The following FHAD1 variants were observed in gnomAD, a reference collection of about 807,000 sequenced individuals.
The protein encoded by FHAD1 is forkhead associated phosphopeptide binding domain 1, also known as forkhead-associated domain-containing protein 1.
FHAD1 carries 146 observed loss-of-function variants against 191.3 expected under a neutral mutation model. That is an observed-to-expected ratio of 0.76 (90% CI 0.67 to 0.88). The LOEUF is 0.88. FHAD1 is among the 40% of genes least tolerant of loss of function. The probability of loss-of-function intolerance (pLI) is 0.00; values close to 1 mark genes in which losing one functional copy is unlikely to be tolerated. For synonymous variants in FHAD1, 616 were observed against 672.3 expected (o/e 0.92, Z 1.29); for missense variants, 1,635 against 1,785.8 (o/e 0.92, Z 1.52).
At chr1:15,251,133 G>T (rs1646719400) in intron 1 of FHAD1, among the ~76,000 whole-genome samples, 1 of 151,394 alleles carries the variant, frequency 6.6e-6, no homozygotes, top group African/African-American at 2.4e-5. Flanking sequence ...TCTTTAGCCA[G>T]GTGTGGTGGT....
intron 33 of FHAD1, among the ~76,000 whole-genome samples, chr1:15,392,342 C>T (rs948145249): frequency 7.9e-5 from 12 of 152,136 alleles, no homozygotes; most frequent in Admixed American, 2.0e-4. Context: ...ACCATCCTGG[C>T]TAACACGGTG....
At chr1:15,275,474 CT>C (rs926571624) in intron 3 of FHAD1, among the ~76,000 whole-genome samples, 3 of 152,148 alleles carry the variant, frequency 2.0e-5, no homozygotes, top group Non-Finnish European at 2.9e-5. Flanking sequence ...AGAAGACCCC[CT>C]GTCCGCCTCC....
intron 10 of FHAD1, among the ~76,000 whole-genome samples, chr1:15,319,996 A>C (rs867627197): frequency 6.6e-6 from 1 of 152,156 alleles, no homozygotes; most frequent in Non-Finnish European, 1.5e-5. Flanking sequence ...TGGGCTATCA[A>C]TTTTTCTCTA....
At chr1:15,283,703 G>A (rs1004103637) in intron 3 of FHAD1, among the ~76,000 whole-genome samples, 3 of 152,200 alleles carry the variant, frequency 2.0e-5, no homozygotes, top group African/African-American at 4.8e-5. Flanking sequence ...GGAGACTGCA[G>A]TTCTCTGAGT....
upstream of FHAD1, among the ~76,000 whole-genome samples, chr1:15,246,717 T>C (rs1431621003): frequency 6.6e-6 from 1 of 152,160 alleles, no homozygotes; most frequent in Admixed American, 6.5e-5. Context: ...AGTTTGGAAA[T>C]ATTTTTTCCC....
intron 28 of FHAD1, among the ~76,000 whole-genome samples, chr1:15,376,728 A>T (rs139789849): frequency 6.6e-6 from 1 of 152,180 alleles, no homozygotes; most frequent in South Asian, 2.1e-4. Flanking sequence ...TAAATGATAG[A>T]TGTTATTATT....
rs1689928229 is a variant in FHAD1, at chr1:15,349,092, G to A, written c.2397G>A (p.Leu799=). The A allele has an allele frequency of 1.9e-6, 3 of 1,551,546 alleles. No homozygotes were observed. The highest frequency in any genetic ancestry group is 1.4e-5 in the African/African-American group (1 of 72,988). ...AAAAAAGAAAAGCAAAGGAAGCCTTGGAGTCGGAAAAGAGAAAAGTTCAGG... is the reference window on the plus strand; with the variant it reads ...AAAAAAGAAAAGCAAAGGAAGCCTTAGAGTCGGAAAAGAGAAAAGTTCAGG... ...AHEKRKAKEA[L]ESEKRKVQDL... Residue 799 remains leucine, a synonymous_variant, in exon 19 of 34, where the codon TTG becomes TTA. Transcript: ENST00000688493.
chr1:15,371,614 T>C (rs377668344), intron 26 of FHAD1, among the ~76,000 whole-genome samples: 1 of 152,182 alleles, frequency 6.6e-6, no homozygotes, highest in African/African-American at 2.4e-5. Flanking sequence ...GCTACCCCTG[T>C]GCCCCCAAAA....
intron 2 of FHAD1, 96 bp from the exon 3 acceptor site, chr1:15,272,227 G>T: frequency 9.2e-7 from 1 of 1,085,192 alleles, no homozygotes; most frequent in Non-Finnish European, 1.3e-6. Flanking sequence ...GTGATGATCT[G>T]GCGGCGGCAA....
chr1:15,257,335 T>C (rs1262878311), intron 2 of FHAD1, among the ~76,000 whole-genome samples: 1 of 152,224 alleles, frequency 6.6e-6, no homozygotes, highest in Non-Finnish European at 1.5e-5. Context: ...AAACATGGTA[T>C]CCGTGACATT....
At chr1:15,301,079 C>T (rs1442200999) in intron 5 of FHAD1, 126 bp from the exon 6 acceptor site, 3 of 733,866 alleles carry the variant, frequency 4.1e-6, no homozygotes, top group Non-Finnish European at 6.6e-6. Context: ...ATCCACCCAT[C>T]TTGGCCTCCC....
At chr1:15,273,391 C>G (rs1397448551) in intron 3 of FHAD1, among the ~76,000 whole-genome samples, 2 of 152,104 alleles carry the variant, frequency 1.3e-5, no homozygotes, top group Non-Finnish European at 2.9e-5. Flanking sequence ...CAAAGTACAT[C>G]ATTTGCTAGG....
intron 21 of FHAD1, among the ~76,000 whole-genome samples, chr1:15,360,097 A>C (rs1392685886): frequency 6.6e-6 from 1 of 152,224 alleles, no homozygotes; most frequent in Non-Finnish European, 1.5e-5. Flanking sequence ...TGGGTGACAG[A>C]GCAAGACTCT....
chr1:15,381,571 A>G lies in FHAD1; in HGVS notation c.4022+120A>G, dbSNP rs1204447241. 7 of 723,786 alleles carry G rather than the reference A, an allele frequency of 9.7e-6. No homozygotes were observed. Among genetic ancestry groups the G allele is most frequent in the Non-Finnish European group, 1.6e-5 (7 of 432,778 alleles). 44.8% of individuals were successfully genotyped at this position (723,786 alleles called of 1,614,324 possible). A position where few individuals can be genotyped will look rare whatever the true frequency, so the allele number is the denominator to read the frequency against. Reference sequence around the variant, plus strand: ...GAGGACAGAGACCCACGTGTGGAATACCTGCAATGTCAGAAGGGGACCAGG... The same window carrying G: ...GAGGACAGAGACCCACGTGTGGAATGCCTGCAATGTCAGAAGGGGACCAGG... On this transcript the variant is annotated intron_variant, in intron 30 of 33. Coordinates refer to ENST00000688493, the MANE Select transcript of FHAD1 (RefSeq NM_001391957.1). This position sits in a 1 kb window ranked among gnomAD's most constrained non-coding sequence, Gnocchi z 4.6.
At chr1:15,349,834 C>T (rs1291749993) in intron 19 of FHAD1, among the ~76,000 whole-genome samples, 1 of 152,200 alleles carries the variant, frequency 6.6e-6, no homozygotes, top group African/African-American at 2.4e-5. Flanking sequence ...CATCCACATC[C>T]ACCCACCCCA....
At chr1:15,356,991 C>T (rs142612932) in intron 20 of FHAD1, among the ~76,000 whole-genome samples, 172 of 152,302 alleles carry the variant, frequency 1.1e-3, no homozygotes, top group Middle Eastern at 6.8e-3. Flanking sequence ...TTTCTTCTCC[C>T]CTGGGGTGGT....
At position 15,397,639 on chromosome 1, in the gene FHAD1, GA is replaced by G; in HGVS notation, c.*228del. 1 of 322,648 alleles carries G rather than the reference GA, an allele frequency of 3.1e-6. No individual in the cohort carries two copies. Among genetic ancestry groups the G allele is most frequent in the Non-Finnish European group, 5.6e-6 (1 of 178,142 alleles). 20.0% of individuals were successfully genotyped at this position (322,648 alleles called of 1,614,324 possible). On this transcript the variant is annotated 3_prime_UTR_variant, in exon 34 of 34. Coordinates refer to ENST00000688493, the MANE Select transcript of FHAD1 (RefSeq NM_001391957.1). ...TGAATGTACACGAACTCAGGTATAT[GA>G]AGAATAGAAGTGTGTAACCCAGATG...
chr1:15,343,487 C>A (rs1229836159), intron 16 of FHAD1, among the ~76,000 whole-genome samples: 1 of 152,050 alleles, frequency 6.6e-6, no homozygotes, highest in South Asian at 2.1e-4. Context: ...CTACCACACA[C>A]ACCTGCCCTC....
At chr1:15,317,283 T>G (rs1041957442) in intron 9 of FHAD1, among the ~76,000 whole-genome samples, 4 of 152,166 alleles carry the variant, frequency 2.6e-5, no homozygotes, top group African/African-American at 4.8e-5. Flanking sequence ...GGAGGTGTAT[T>G]CCTGACGCCC....
Sources: gnomAD v4.1 joint callset for allele counts (sites outside exome capture counted in the v4.1 genomes callset) on GRCh38, gnomAD v4.1.1 for gene constraint, Gnocchi (gnomAD v3.1) non-coding constraint, MANE v1.5 for transcripts, NCBI Gene and HGNC (gene_info 2026-07-23, HGNC 2026-07-21) for gene names.